The following RBFOX3 variants were observed in gnomAD, a reference collection of about 807,000 sequenced individuals.
The protein encoded by RBFOX3 is RNA binding fox-1 homolog 3, also known as RNA binding protein fox-1 homolog 3.
A neutral mutation model predicts 48.7 loss-of-function variants in RBFOX3; 17 were observed. The observed-to-expected ratio is 0.35, with a 90% CI of 0.24 to 0.52. RBFOX3 has a LOEUF of 0.52. Among genes scored for constraint, RBFOX3 ranks in the 20% least tolerant of loss-of-function variants. The probability of loss-of-function intolerance (pLI) is 0.94; values close to 1 mark genes in which losing one functional copy is unlikely to be tolerated. For synonymous variants in RBFOX3, 212 were observed against 209.5 expected, an observed-to-expected ratio of 1.01 and a Z score of -0.10; for missense variants, 382 against 497.5, an observed-to-expected ratio of 0.77 and a Z score of 2.21.
In RBFOX3 at chr17:79,439,859, A is replaced by G. The variant is rs1555733683; in HGVS notation, c.-175+42595T>C. 2.6e-5 allele frequency among the ~76,000 whole-genome samples: 4 copies of G among 152,144 alleles called. No individual in the cohort carries two copies. The East Asian group carries it at 7.7e-4, about 29-fold the overall frequency. On this transcript the variant is annotated intron_variant, in intron 2 of 14. Transcript: ENST00000693108. ...AACACTGAGCTCTCCTGCTGACCCA[A>G]CTCTACTCTCTGGTGACCCTGAGTC...
chr17:79,627,384 G>A, the RBFOX3 span, among the ~76,000 whole-genome samples: 2 of 152,348 alleles, frequency 1.3e-5, no homozygotes, highest in Non-Finnish European at 2.9e-5. Flanking sequence ...GTAGAGGAGA[G>A]TTTAAGCCAG....
At chr17:79,296,761 T>C (rs968554625) in intron 3 of RBFOX3, among the ~76,000 whole-genome samples, 2 of 148,506 alleles carry the variant, frequency 1.3e-5, no homozygotes, top group African/African-American at 5.0e-5. Flanking sequence ...CTCCTTCTTT[T>C]ACTACTCCTC....
At chr17:79,394,018 T>A (rs114969277) in intron 2 of RBFOX3, among the ~76,000 whole-genome samples, 3,283 of 151,818 alleles carry the variant, frequency 0.022, 123 homozygotes, top group African/African-American at 0.076. Flanking sequence ...GCACATCATC[T>A]GAACTGGTCA....
intron 4 of RBFOX3, among the ~76,000 whole-genome samples, chr17:79,142,667 G>T (rs920141244): frequency 2.0e-5 from 3 of 152,136 alleles, no homozygotes; most frequent in East Asian, 1.9e-4. Flanking sequence ...CTGGCCAGCT[G>T]GGGGGTGCCG....
At chr17:79,206,394 G>A (rs191715386) in intron 4 of RBFOX3, among the ~76,000 whole-genome samples, 61 of 152,250 alleles carry the variant, frequency 4.0e-4, no homozygotes, top group Non-Finnish European at 2.9e-5. Flanking sequence ...GGTGCCCGAC[G>A]TACACTGTGG....
At chr17:79,384,799 C>G (rs1192269231) in intron 2 of RBFOX3, among the ~76,000 whole-genome samples, 1 of 152,234 alleles carries the variant, frequency 6.6e-6, no homozygotes, top group Non-Finnish European at 1.5e-5. Flanking sequence ...CACACCGGCC[C>G]CTGAACACAG....
chr17:79,506,936 C>T (rs1409304102), intron 1 of RBFOX3, among the ~76,000 whole-genome samples: 3 of 152,182 alleles, frequency 2.0e-5, no homozygotes, highest in African/African-American at 7.2e-5. Flanking sequence ...AGGAGGCCTG[C>T]GCAGATGTGG....
At chr17:79,596,340 C>T (rs980788988) in intron 1 of RBFOX3, among the ~76,000 whole-genome samples, 4 of 152,214 alleles carry the variant, frequency 2.6e-5, no homozygotes, top group African/African-American at 4.8e-5. Flanking sequence ...TGCAGATCAG[C>T]GGGGTCCTTG....
At chr17:79,333,170 G>A (rs977373152) in intron 2 of RBFOX3, among the ~76,000 whole-genome samples, 1 of 152,118 alleles carries the variant, frequency 6.6e-6, no homozygotes, top group African/African-American at 2.4e-5. Context: ...CCTTTACCAG[G>A]GAGGAGACTG....
At chr17:79,581,522 G>C (rs1458115916) in intron 1 of RBFOX3, among the ~76,000 whole-genome samples, 5 of 152,246 alleles carry the variant, frequency 3.3e-5, no homozygotes, top group African/African-American at 1.2e-4. Context: ...CCATTTCCAT[G>C]CACACGTGAA....
At chr17:79,619,946 C>T in the RBFOX3 span, among the ~76,000 whole-genome samples, 1 of 152,246 alleles carries the variant, frequency 6.6e-6, no homozygotes, top group African/African-American at 2.4e-5. Flanking sequence ...ATCGTGGCTG[C>T]TTCCCGCACC....
intron 2 of RBFOX3, among the ~76,000 whole-genome samples, chr17:79,409,467 C>T (rs1418541124): frequency 1.3e-5 from 2 of 152,348 alleles, no homozygotes; most frequent in African/African-American, 4.8e-5. Context: ...CAACAATGCA[C>T]AAGGGTTCCA....
chr17:79,186,114 T>C (rs2053342357), intron 4 of RBFOX3, among the ~76,000 whole-genome samples: 1 of 152,196 alleles, frequency 6.6e-6, no homozygotes, highest in African/African-American at 2.4e-5. Flanking sequence ...TGGTCACCTG[T>C]GTGCCTCTCT....
At chr17:79,642,501 A>G in the RBFOX3 span, among the ~76,000 whole-genome samples, 3 of 152,212 alleles carry the variant, frequency 2.0e-5, no homozygotes, top group Non-Finnish European at 4.4e-5. Context: ...TTTGTCAAGT[A>G]TACCTCCATA....
Position 79,090,841 on chromosome 17 carries a change from GT to G in RBFOX3, c.*41del. On this transcript the variant is annotated 3_prime_UTR_variant, in exon 15 of 15. Coordinates refer to ENST00000693108, the MANE Select transcript of RBFOX3 (RefSeq NM_001350451.2). ...GTTTTGTGATTTTTTTTGTTTTTTT[GT>G]TTTTGCCCTTCATGGTCCGAGAAGG... The G allele has an allele frequency of 6.8e-7, 1 of 1,466,154 alleles. No homozygotes were observed. Among genetic ancestry groups the G allele is most frequent in the Non-Finnish European group, 9.0e-7 (1 of 1,107,966 alleles). The allele number at this position is 1,466,154 out of a possible 1,614,324, so 90.8% of individuals were successfully genotyped here.
At chr17:79,300,246 C>T (rs1293959704) in intron 3 of RBFOX3, among the ~76,000 whole-genome samples, 6 of 152,066 alleles carry the variant, frequency 3.9e-5, no homozygotes, top group South Asian at 2.1e-4. Flanking sequence ...TCCGGAGCCA[C>T]GAGAGAAGAA....
chr17:79,327,814 G>C (rs999364983), intron 2 of RBFOX3, among the ~76,000 whole-genome samples: 8 of 152,148 alleles, frequency 5.3e-5, no homozygotes, highest in African/African-American at 7.2e-5. Context: ...TCCTGCCTCA[G>C]CCTCCAGAGT....
chr17:79,111,353 CCA>C lies in RBFOX3; in HGVS notation c.222+4139_222+4140del, dbSNP rs1483619208. On this transcript the variant is annotated intron_variant, in intron 5 of 14. Coordinates refer to ENST00000693108, the MANE Select transcript of RBFOX3 (RefSeq NM_001350451.2). The surrounding 1 kb of genome is among the most constrained non-coding windows in gnomAD (Gnocchi z 4.2). ...GAGCCCACGTGGGCTCTGGAAAACA[CCA>C]GTCTCATCCCGTCTCCCTCTACCTG... is the stretch of plus-strand genomic sequence containing the variant. Among the ~76,000 whole-genome samples the C allele has an allele frequency of 6.6e-6, 1 of 152,154 alleles. No individual in the cohort carries two copies. The highest frequency in any genetic ancestry group is 6.5e-5 in the Admixed American group (1 of 15,288).
At chr17:79,611,121 CCGCCCTCCT>C (rs1240046936), upstream of RBFOX3, among the ~76,000 whole-genome samples, 28 of 28,478 alleles carry the variant, frequency 9.8e-4, no homozygotes, top group South Asian at 0.03. Context: ...CCTCCTCTCT[CCGCCCTCCT>C]TCTCTCTCTC....
Sources: allele counts gnomAD v4.1 joint callset (sites outside exome capture counted in the v4.1 genomes callset), GRCh38; gene constraint gnomAD v4.1.1; non-coding constraint Gnocchi (gnomAD v3.1); transcripts MANE v1.5; gene names NCBI Gene and HGNC (gene_info 2026-07-23, HGNC 2026-07-21).